Variants in PLD5 observed in about 807,000 individuals in gnomAD.
The protein encoded by PLD5 is phospholipase D family member 5.
A neutral mutation model predicts 61.1 loss-of-function variants in PLD5; 36 were observed. The ratio of observed to expected loss-of-function variants is 0.59; its 90% confidence interval spans 0.45 to 0.78. PLD5 has a LOEUF of 0.78. PLD5 is among the 30% of genes least tolerant of loss of function. PLD5 has a pLI of 0.00. For missense variants in PLD5, 515 were observed against 644.4 expected, an observed-to-expected ratio of 0.80 and a Z score of 2.17; for synonymous variants, 243 against 242.8, an observed-to-expected ratio of 1.00 and a Z score of -0.01.
chr1:242,366,960 A>G (rs1661379620), intron 1 of PLD5, among the ~76,000 whole-genome samples: 1 of 152,200 alleles, frequency 6.6e-6, no homozygotes, highest in Non-Finnish European at 1.5e-5. Flanking sequence ...TGATTTGCAA[A>G]ATTAGACATG....
intron 7 of PLD5, 152 bp downstream of exon 7, chr1:242,113,738 T>C (rs1661724080): frequency 1.1e-6 from 1 of 942,992 alleles, no homozygotes; most frequent in Non-Finnish European, 1.5e-6. Context: ...AATGAGTAAA[T>C]TGCCAATGCA....
At chr1:242,470,146 C>T (rs1667398199) in intron 1 of PLD5, among the ~76,000 whole-genome samples, 1 of 151,982 alleles carries the variant, frequency 6.6e-6, no homozygotes. Context: ...TCGAGACCAT[C>T]CTGGCTAACA....
At chr1:242,435,989 T>A (rs1308012077) in intron 1 of PLD5, among the ~76,000 whole-genome samples, 1 of 152,050 alleles carries the variant, frequency 6.6e-6, no homozygotes. Flanking sequence ...ACACAGTGGA[T>A]CCTCAAAAAA....
intron 3 of PLD5, among the ~76,000 whole-genome samples, chr1:242,285,198 C>T (rs1322020178): frequency 1.3e-5 from 2 of 152,190 alleles, no homozygotes; most frequent in African/African-American, 4.8e-5. Context: ...TATCATCTTT[C>T]TACATCAATA....
intron 4 of PLD5, among the ~76,000 whole-genome samples, chr1:242,243,951 G>C (rs550467268): frequency 2.9e-4 from 44 of 152,116 alleles, no homozygotes; most frequent in Non-Finnish European, 5.6e-4. Context: ...AATAGCAGCT[G>C]GTATTCCCAT....
intron 1 of PLD5, among the ~76,000 whole-genome samples, chr1:242,470,395 G>C (rs534293612): frequency 7.0e-6 from 1 of 143,552 alleles, no homozygotes; most frequent in East Asian, 2.0e-4. Context: ...AAGAAAGAAA[G>C]AAAATTGGGA....
At chr1:242,396,562 C>G (rs1156485152) in intron 1 of PLD5, among the ~76,000 whole-genome samples, 2 of 152,116 alleles carry the variant, frequency 1.3e-5, no homozygotes, top group Admixed American at 1.3e-4. Flanking sequence ...GCTGCTAACT[C>G]AGCTCCCAAT....
At chr1:242,356,587 T>C (rs1422591009) in intron 1 of PLD5, among the ~76,000 whole-genome samples, 1 of 152,102 alleles carries the variant, frequency 6.6e-6, no homozygotes, top group African/African-American at 2.4e-5. Flanking sequence ...AGATTTACTA[T>C]TGCCATTTTG....
intron 1 of PLD5, among the ~76,000 whole-genome samples, chr1:242,511,417 T>C (rs752302280): frequency 3.3e-5 from 5 of 151,834 alleles, no homozygotes; most frequent in Non-Finnish European, 7.4e-5. Flanking sequence ...GAGGGAAAAA[T>C]AGTAACTTTA....
At chr1:242,153,848 T>C (rs2148823849) in intron 5 of PLD5, among the ~76,000 whole-genome samples, 1 of 152,326 alleles carries the variant, frequency 6.6e-6, no homozygotes, top group East Asian at 1.9e-4. Context: ...TCTTTTTTGG[T>C]TCCATATGAA....
chr1:242,490,092 C>A (rs1668095220), intron 1 of PLD5, among the ~76,000 whole-genome samples: 1 of 152,230 alleles, frequency 6.6e-6, no homozygotes. Context: ...GAAGCTTCCT[C>A]TCCACACAGG....
intron 4 of PLD5, among the ~76,000 whole-genome samples, chr1:242,223,366 G>A (rs1229400580): frequency 2.0e-5 from 3 of 152,154 alleles, no homozygotes; most frequent in Non-Finnish European, 4.4e-5. Flanking sequence ...ATCAGGATCT[G>A]CTCCAGTCCT....
chr1:242,241,365 C>T (rs1226673219), intron 4 of PLD5, among the ~76,000 whole-genome samples: 3 of 152,116 alleles, frequency 2.0e-5, no homozygotes, highest in Admixed American at 2.0e-4. Context: ...TTAAAAAGCC[C>T]CCTAATTTCT....
chr1:242,341,361 T>C lies in PLD5; in HGVS notation c.326+6745A>G, dbSNP rs556731275. 4.6e-5 allele frequency among the ~76,000 whole-genome samples: 7 copies of C among 152,200 alleles called. No homozygotes were observed. In the East Asian group the frequency reaches 1.4e-3, roughly 29 times the overall value. Reference sequence around the variant, plus strand: ...TAGTGTCTTCTAGGAATGTCATATATTGATGAACCAAATTTTGTGTGTACT... The same window carrying C: ...TAGTGTCTTCTAGGAATGTCATATACTGATGAACCAAATTTTGTGTGTACT... On this transcript the variant is annotated intron_variant, in intron 2 of 9. Coordinates refer to ENST00000536534, the MANE Select transcript of PLD5 (RefSeq NM_001372062.1).
At chr1:242,450,108 C>T (rs762839589) in intron 1 of PLD5, among the ~76,000 whole-genome samples, 19 of 152,158 alleles carry the variant, frequency 1.2e-4, no homozygotes, top group African/African-American at 1.9e-4. Context: ...TATGAAACCA[C>T]GGGGCTCTTT....
chr1:242,524,102 C>G lies in PLD5; in HGVS notation c.175G>C (p.Asp59His), dbSNP rs1184516165. 6.5e-7 allele frequency: 1 copy of G among 1,535,050 alleles called. No individual in the cohort carries two copies. The highest frequency in any genetic ancestry group is 8.7e-7 in the Non-Finnish European group (1 of 1,146,276). The change falls in exon 1 of 10, where the codon GAC (aspartate) becomes CAC (histidine). Residue 59 changes from aspartate to histidine, a missense_variant. Physicochemically the swap from Asp to His is moderately conservative, Grantham distance 81. This residue lies in a region of PLD5 where 450 missense variants were observed against 598.1 expected (regional missense o/e 0.75). Coordinates refer to ENST00000536534, the MANE Select transcript of PLD5 (RefSeq NM_001372062.1). ...YSASVWLRRK[D>H]KLEHSQQKCI... ...GTCGCCCTTACGTGCTCCAGCTTGT[C>G]TTTCCTCCGAAGCCAGACGCTGGCG...
At chr1:242,406,460 A>G (rs976315982) in intron 1 of PLD5, among the ~76,000 whole-genome samples, 1 of 152,234 alleles carries the variant, frequency 6.6e-6, no homozygotes, top group African/African-American at 2.4e-5. Context: ...TGAAAAATTT[A>G]CTTCCTATAT....
At chr1:242,449,573 A>T in intron 1 of PLD5, 2 of 1,390,016 alleles carry the variant, frequency 1.4e-6, no homozygotes, top group Non-Finnish European at 1.9e-6. Context: ...TGCAGCTTGC[A>T]ATTTCAGAAT....
intron 9 of PLD5, among the ~76,000 whole-genome samples, chr1:242,093,911 G>A (rs960074429): frequency 1.1e-4 from 17 of 151,936 alleles, no homozygotes; most frequent in African/African-American, 4.1e-4. Context: ...AATGGATTGA[G>A]CCAAGATCCA....
Sources: allele counts gnomAD v4.1 joint callset (sites outside exome capture counted in the v4.1 genomes callset), GRCh38; gene constraint gnomAD v4.1.1; regional missense constraint gnomAD v4.1.1; transcripts MANE v1.5; gene names NCBI Gene and HGNC (gene_info 2026-07-23, HGNC 2026-07-21).